Variants in SLIT3 observed in about 807,000 individuals in gnomAD.
SLIT3 encodes slit guidance ligand 3.
Under a neutral mutation model 184.0 loss-of-function variants are expected in SLIT3, and 68 were observed. That is an observed-to-expected ratio of 0.37 (90% CI 0.30 to 0.45). SLIT3 has a LOEUF of 0.45. SLIT3 is among the 20% of genes least tolerant of loss of function. The probability of loss-of-function intolerance (pLI) is 1.00; values close to 1 mark genes in which losing one functional copy is unlikely to be tolerated. For missense variants in SLIT3, 1,707 were observed against 2,026.0 expected (o/e 0.84, Z 3.02); for synonymous variants, 831 against 828.6 (o/e 1.00, Z -0.05).
chr5:168,919,090 G>C (rs906321339), intron 4 of SLIT3, among the ~76,000 whole-genome samples: 9 of 151,840 alleles, frequency 5.9e-5, no homozygotes, highest in Admixed American at 2.0e-4. Context: ...GAAACCCCAT[G>C]TCTACTAAAA....
At chr5:168,675,893 ATC>A (rs1232340183) in intron 32 of SLIT3, among the ~76,000 whole-genome samples, 1 of 151,844 alleles carries the variant, frequency 6.6e-6, no homozygotes, top group Non-Finnish European at 1.5e-5. Context: ...CCATTGGGAA[ATC>A]TCTCCTCCCA....
rs146735331 is a variant in SLIT3, at chr5:168,784,779, A to G, written c.1151+1128T>C. Among the ~76,000 whole-genome samples the G allele has an allele frequency of 3.3e-4, 50 of 152,082 alleles. No homozygotes were observed. In the East Asian group the frequency reaches 8.7e-3, roughly 26 times the overall value. On this transcript the variant is annotated intron_variant, in intron 12 of 35. Coordinates refer to ENST00000519560, the MANE Select transcript of SLIT3 (RefSeq NM_003062.4). ...AGCTTGAGTCCTGGCCCACAAACCC[A>G]TGCTGTGGGTCCTCTGAACTTTACG...
At position 168,749,750 on chromosome 5, in the gene SLIT3, A is replaced by G. The variant is rs539660091; in HGVS notation, c.1974-115T>C. ...GGAAGGAGGAGGTCTCAGGAAGGAA[A>G]CGTAGGCTCTTCCCCAGATGCAGTC... On this transcript the variant is annotated intron_variant, in intron 18 of 35. Transcript: ENST00000519560. The G allele has an allele frequency of 6.9e-5, 73 of 1,055,494 alleles. No individual in the cohort carries two copies. The African/African-American group carries it at 1.0e-3, about 15-fold the overall frequency. The allele number at this position is 1,055,494 out of a possible 1,614,324, so 65.4% of individuals were successfully genotyped here. A position where few individuals can be genotyped will look rare whatever the true frequency, so the allele number is the denominator to read the frequency against.
At chr5:168,993,614 C>G (rs1755407040) in intron 4 of SLIT3, among the ~76,000 whole-genome samples, 2 of 152,016 alleles carry the variant, frequency 1.3e-5, no homozygotes, top group South Asian at 4.1e-4. Context: ...ATTCTTCTCT[C>G]TCCTAACAAG....
At chr5:169,288,868 G>A (rs139955871) in intron 1 of SLIT3, among the ~76,000 whole-genome samples, 78 of 152,344 alleles carry the variant, frequency 5.1e-4, no homozygotes, top group African/African-American at 1.8e-3. Context: ...GAAGACATGG[G>A]TGACTCTGAG....
chr5:169,122,501 T>C (rs1292374881), intron 4 of SLIT3, among the ~76,000 whole-genome samples: 1 of 152,184 alleles, frequency 6.6e-6, no homozygotes, highest in East Asian at 1.9e-4. Flanking sequence ...TTTGGTTCCA[T>C]CACTTTTTGT....
At chr5:169,263,437 C>T (rs936571490) in intron 1 of SLIT3, among the ~76,000 whole-genome samples, 2 of 151,840 alleles carry the variant, frequency 1.3e-5, no homozygotes, top group African/African-American at 4.8e-5. Context: ...CCAAGGAATG[C>T]CAAGGGCTGC....
At chr5:169,234,072 CTT>C (rs1382848514) in intron 3 of SLIT3, among the ~76,000 whole-genome samples, 2 of 152,292 alleles carry the variant, frequency 1.3e-5, no homozygotes, top group South Asian at 2.1e-4. Flanking sequence ...GAGGAAATGA[CTT>C]TTCTTATTTC....
At chr5:169,040,350 C>T (rs1487565866) in intron 4 of SLIT3, among the ~76,000 whole-genome samples, 1 of 152,128 alleles carries the variant, frequency 6.6e-6, no homozygotes, top group Non-Finnish European at 1.5e-5. Context: ...TCTTAACAGT[C>T]CATTTTGGTA....
chr5:168,879,843 T>C (rs1452961579), intron 5 of SLIT3, among the ~76,000 whole-genome samples: 1 of 152,236 alleles, frequency 6.6e-6, no homozygotes, highest in Non-Finnish European at 1.5e-5. Flanking sequence ...TTCCCATTTC[T>C]GTGAAGTGGA....
intron 4 of SLIT3, among the ~76,000 whole-genome samples, chr5:168,978,342 C>CTGCACTGGTA (rs1320297554): frequency 6.6e-6 from 1 of 152,244 alleles, no homozygotes; most frequent in Admixed American, 6.5e-5. Context: ...GCTCTCTACG[C>CTGCACTGGTA]TGCACTGGTA....
At chr5:168,849,386 A>T (rs1758594601) in intron 5 of SLIT3, among the ~76,000 whole-genome samples, 1 of 152,248 alleles carries the variant, frequency 6.6e-6, no homozygotes, top group South Asian at 2.1e-4. Flanking sequence ...AAATGGGAGA[A>T]GTAGCTAAGG....
intron 5 of SLIT3, among the ~76,000 whole-genome samples, chr5:168,848,377 A>C (rs1186498584): frequency 3.3e-5 from 5 of 152,230 alleles, no homozygotes; most frequent in African/African-American, 1.2e-4. Context: ...GCCCTTGGGA[A>C]GGAGACTTGA....
rs553279054 is a variant in SLIT3 at position 169,261,446 on chromosome 5, T to C, written c.198-9987A>G. On this transcript the variant is annotated intron_variant, in intron 1 of 35. Coordinates refer to ENST00000519560, the MANE Select transcript of SLIT3 (RefSeq NM_003062.4). The stretch of plus-strand genomic sequence containing the variant: ...ACACAGATCTTTCTTCCCTTCCTTC[T>C]TTCTTCTTTTCTTTCCTTATTTTCT... Among the ~76,000 whole-genome samples the C allele has an allele frequency of 4.1e-3, 623 of 152,234 alleles. 2 individuals carry two copies. Among genetic ancestry groups the C allele is most frequent in the African/African-American group, 0.014 (577 of 41,532 alleles).
At chr5:169,008,704 T>C (rs1189560988) in intron 4 of SLIT3, among the ~76,000 whole-genome samples, 1 of 152,194 alleles carries the variant, frequency 6.6e-6, no homozygotes, top group Non-Finnish European at 1.5e-5. Context: ...TCTCCGTATG[T>C]TGCCCAGGCT....
chr5:168,892,853 G>A, intron 4 of SLIT3, among the ~76,000 whole-genome samples: 1 of 152,186 alleles, frequency 6.6e-6, no homozygotes, highest in Non-Finnish European at 1.5e-5. Flanking sequence ...TAATCCCTGG[G>A]ATTATCTCAA....
At chr5:169,236,290 C>T (rs908404179) in intron 3 of SLIT3, among the ~76,000 whole-genome samples, 4 of 152,046 alleles carry the variant, frequency 2.6e-5, no homozygotes, top group Admixed American at 6.5e-5. Flanking sequence ...TTGTTTTGAG[C>T]ACTCCCTTTA....
At chr5:168,857,105 G>C (rs1758911348) in intron 5 of SLIT3, among the ~76,000 whole-genome samples, 1 of 152,058 alleles carries the variant, frequency 6.6e-6, no homozygotes, top group South Asian at 2.1e-4. Context: ...CATCTGGGGG[G>C]CCCACAGAGA....
chr5:169,169,011 G>GA (rs1323339175), intron 4 of SLIT3, among the ~76,000 whole-genome samples: 3 of 149,684 alleles, frequency 2.0e-5, no homozygotes, highest in Non-Finnish European at 4.5e-5. Flanking sequence ...CAAGCCCTGT[G>GA]ATCCCAGAGC....
Sources: gnomAD v4.1 joint callset for allele counts (sites outside exome capture counted in the v4.1 genomes callset) on GRCh38, gnomAD v4.1.1 for gene constraint, MANE v1.5 for transcripts, NCBI Gene and HGNC (gene_info 2026-07-23, HGNC 2026-07-21) for gene names.